Variants in SPPL3 observed in about 807,000 individuals in gnomAD.
SPPL3 encodes the protein signal peptide peptidase like 3.
SPPL3 carries 5 observed loss-of-function variants against 42.4 expected under a neutral mutation model. The ratio of observed to expected loss-of-function variants is 0.12; its 90% confidence interval spans 0.06 to 0.25. The LOEUF (loss-of-function observed/expected upper bound fraction) is 0.25, where lower values mean the gene tolerates loss of function less well. SPPL3 is among the 10% of genes least tolerant of loss of function. The pLI is 1.00. For synonymous variants in SPPL3, 195 were observed against 181.8 expected (o/e 1.07, Z -0.58); for missense variants, 235 against 489.0 (o/e 0.48, Z 4.90).
intron 1 of SPPL3, among the ~76,000 whole-genome samples, chr12:120,851,612 T>C (rs1322065952): frequency 1.3e-5 from 2 of 152,164 alleles, no homozygotes; most frequent in African/African-American, 4.8e-5. Flanking sequence ...ACATTCTTTT[T>C]TGTTTTTTTG....
intron 3 of SPPL3, 100 bp from the exon 4 acceptor site, chr12:120,784,693 C>T (rs3213568): frequency 0.13 from 114,681 of 868,110 alleles, 11,903 homozygotes; most frequent in African/African-American, 0.42. Context: ...GACAGTTCTA[C>T]GGATTATACG....
intron 1 of SPPL3, among the ~76,000 whole-genome samples, chr12:120,820,084 A>G (rs1282988635): frequency 2.0e-5 from 3 of 152,146 alleles, no homozygotes; most frequent in Admixed American, 2.0e-4. Flanking sequence ...GCTGCCTTCT[A>G]CCTTTACCCA....
At chr12:120,863,298 A>G (rs1289305994) in intron 1 of SPPL3, among the ~76,000 whole-genome samples, 1 of 152,080 alleles carries the variant, frequency 6.6e-6, no homozygotes, top group Non-Finnish European at 1.5e-5. Flanking sequence ...CAGTGAGCTG[A>G]GATCACACCA....
intron 1 of SPPL3, among the ~76,000 whole-genome samples, chr12:120,897,527 T>C (rs1311983655): frequency 6.6e-6 from 1 of 151,888 alleles, no homozygotes; most frequent in East Asian, 1.9e-4. Context: ...ATCAAGACCA[T>C]CCTAGCTAAC....
At chr12:120,786,084 ACTAAAT>A (rs1295384426) in intron 3 of SPPL3, among the ~76,000 whole-genome samples, 2 of 152,174 alleles carry the variant, frequency 1.3e-5, no homozygotes, top group Non-Finnish European at 1.5e-5. Flanking sequence ...TTTTTGATTG[ACTAAAT>A]CTATAAAACA....
intron 1 of SPPL3, among the ~76,000 whole-genome samples, chr12:120,865,689 C>G (rs1181872163): frequency 6.6e-6 from 1 of 152,206 alleles, no homozygotes; most frequent in African/African-American, 2.4e-5. Context: ...TAGGCAGGAT[C>G]CCCAGGGAGG....
In SPPL3 at chr12:120,779,281, T is replaced by C. The variant is rs549151108; in HGVS notation, c.502+3374A>G. Among the ~76,000 whole-genome samples, 13 of 152,220 alleles carry C rather than the reference T, an allele frequency of 8.5e-5. No homozygotes were observed. The South Asian group carries it at 2.5e-3, about 29-fold the overall frequency. The stretch of plus-strand genomic sequence containing the variant: ...CTCTGGGCTCAGACAATGATGAACA[T>C]CAACCCCAACACCTCTGAGCCAGCC... On this transcript the variant is annotated intron_variant, in intron 6 of 10. Transcript: ENST00000353487.
intron 1 of SPPL3, among the ~76,000 whole-genome samples, chr12:120,840,040 G>T (rs918894440): frequency 6.6e-6 from 1 of 152,144 alleles, no homozygotes; most frequent in East Asian, 1.9e-4. Flanking sequence ...AGACACTTTG[G>T]GAGGCCGAGG....
rs1373988505 is a variant in SPPL3, at chr12:120,827,357, TAATAA to T, written c.24-16476_24-16472del. Among the ~76,000 whole-genome samples, 8 of 147,518 alleles carry T rather than the reference TAATAA, an allele frequency of 5.4e-5. No homozygotes were observed. The South Asian group carries it at 1.7e-3, about 31-fold the overall frequency. ...AATAATAATAATAATAATAATAATATAATAATATAATAATAATAACAATAATAATA... is the reference window on the plus strand; with the variant it reads ...AATAATAATAATAATAATAATAATATTATAATAATAATAACAATAATAATA... On this transcript the variant is annotated intron_variant, in intron 1 of 10. Transcript: ENST00000353487.
At chr12:120,856,047 T>A (rs759966101) in intron 1 of SPPL3, among the ~76,000 whole-genome samples, 2 of 152,174 alleles carry the variant, frequency 1.3e-5, no homozygotes, top group Non-Finnish European at 2.9e-5. Context: ...TCCAATCAGG[T>A]AGCCACTAGC....
chr12:120,896,638 G>T (rs1873811838), intron 1 of SPPL3, among the ~76,000 whole-genome samples: 1 of 152,096 alleles, frequency 6.6e-6, no homozygotes, highest in Non-Finnish European at 1.5e-5. Context: ...AATTAGCCGG[G>T]CATGGTGGTG....
At chr12:120,784,833 C>T (rs1869664254) in intron 3 of SPPL3, among the ~76,000 whole-genome samples, 1 of 152,030 alleles carries the variant, frequency 6.6e-6, no homozygotes, top group Non-Finnish European at 1.5e-5. Context: ...CTACTACCTC[C>T]TGGTGTTAAC....
intron 1 of SPPL3, among the ~76,000 whole-genome samples, chr12:120,848,907 T>G (rs554248629): frequency 2.0e-5 from 3 of 152,300 alleles, no homozygotes; most frequent in South Asian, 4.1e-4. Flanking sequence ...TACAGGTGAT[T>G]TGTGTAACAC....
In SPPL3 at chr12:120,764,922, C is replaced by G; in HGVS notation, c.*77G>C. On this transcript the variant is annotated 3_prime_UTR_variant, in exon 11 of 11. Transcript: ENST00000353487. ...ACAGGTACATTTCTGAGTACCAGGCCAGCTCTAAGAGGAAACAAACCATGA... is the reference window on the plus strand; with the variant it reads ...ACAGGTACATTTCTGAGTACCAGGCGAGCTCTAAGAGGAAACAAACCATGA... The G allele has an allele frequency of 6.7e-7, 1 of 1,496,714 alleles. No individual in the cohort carries two copies. The highest frequency in any genetic ancestry group is 9.2e-7 in the Non-Finnish European group (1 of 1,091,064). 92.7% of individuals were successfully genotyped at this position (1,496,714 alleles called of 1,614,324 possible). A position where few individuals can be genotyped will look rare whatever the true frequency, so the allele number is the denominator to read the frequency against.
At chr12:120,782,211 C>T (rs1869568860) in intron 6 of SPPL3, among the ~76,000 whole-genome samples, 1 of 152,104 alleles carries the variant, frequency 6.6e-6, no homozygotes, top group African/African-American at 2.4e-5. Context: ...AAAACTTGTA[C>T]ATTAATATTC....
At chr12:120,807,768 C>A (rs1188751495) in intron 2 of SPPL3, among the ~76,000 whole-genome samples, 1 of 151,802 alleles carries the variant, frequency 6.6e-6, no homozygotes, top group Admixed American at 6.6e-5. Context: ...TATCTTCCCA[C>A]AAAGAGAAGC....
intron 2 of SPPL3, among the ~76,000 whole-genome samples, chr12:120,808,696 A>C (rs1467679409): frequency 1.3e-5 from 2 of 152,232 alleles, no homozygotes; most frequent in Non-Finnish European, 1.5e-5. Flanking sequence ...CAAATTACTA[A>C]AATGATATGA....
rs1870643032 is a variant in SPPL3, at chr12:120,810,327, G to A, written c.101+482C>T. ...GCATCCTGGGTACAGTTTTACTTTG[G>A]TTTCCCTGGTCTTCGTAAGCCTACT... On this transcript the variant is annotated intron_variant, in intron 2 of 10. Transcript: ENST00000353487. Among the ~76,000 whole-genome samples the A allele has an allele frequency of 2.0e-5, 3 of 151,650 alleles. No homozygotes were observed. The South Asian group carries it at 6.2e-4, about 31-fold the overall frequency.
chr12:120,836,868 G>A (rs959596390), intron 1 of SPPL3, among the ~76,000 whole-genome samples: 4 of 152,162 alleles, frequency 2.6e-5, no homozygotes, highest in African/African-American at 4.8e-5. Context: ...CAAGTAACCA[G>A]GGGTATCTGA....
Sources: gnomAD v4.1 joint callset for allele counts (sites outside exome capture counted in the v4.1 genomes callset) on GRCh38, gnomAD v4.1.1 for gene constraint, MANE v1.5 for transcripts, NCBI Gene and HGNC (gene_info 2026-07-23, HGNC 2026-07-21) for gene names.